Variants in NAA35 observed in about 807,000 individuals in gnomAD.
NAA35 encodes MAK10 homolog, amino-acid N-acetyltransferase subunit.
NAA35 carries 18 observed loss-of-function variants against 101.7 expected under a neutral mutation model. That is an observed-to-expected ratio of 0.18 (90% CI 0.12 to 0.26). The LOEUF (loss-of-function observed/expected upper bound fraction) is 0.26. NAA35 is among the 10% of genes least tolerant of loss of function. The pLI is 1.00. For synonymous variants in NAA35, 267 were observed against 273.1 expected (o/e 0.98, Z 0.22); for missense variants, 601 against 886.8 (o/e 0.68, Z 4.09).
chr9:85,964,958 T>G (rs1463088350), intron 6 of NAA35, among the ~76,000 whole-genome samples: 1 of 152,236 alleles, frequency 6.6e-6, no homozygotes, highest in Admixed American at 6.5e-5. Context: ...CAAATATCCA[T>G]TGACGGTGCT....
chr9:85,996,977 G>T lies in NAA35; in HGVS notation c.1056+400G>T, dbSNP rs894571085. On this transcript the variant is annotated intron_variant, in intron 12 of 22. Coordinates refer to ENST00000361671, the MANE Select transcript of NAA35 (RefSeq NM_024635.4). ...TTTAATTTTTTTTGTGGAGATGGGG[G>T]CCTTGATCTGTCACCTACATTGGAG... Among the ~76,000 whole-genome samples, 10 of 151,630 alleles carry T rather than the reference G, an allele frequency of 6.6e-5. No homozygotes were observed. In the South Asian group the frequency reaches 2.1e-3, roughly 32 times the overall value.
chr9:85,967,543 C>T (rs1829807950), intron 6 of NAA35, among the ~76,000 whole-genome samples: 1 of 152,098 alleles, frequency 6.6e-6, no homozygotes, highest in Non-Finnish European at 1.5e-5. Flanking sequence ...CGCGGTGGCT[C>T]ACGCATGTAA....
At chr9:85,956,415 A>G (rs752065595) in intron 3 of NAA35, 22 bp downstream of exon 3, 4 of 1,354,142 alleles carry the variant, frequency 3.0e-6, no homozygotes, top group Non-Finnish European at 4.0e-6. Context: ...TCCTTTGAAA[A>G]TAGTGTAGTG....
At chr9:85,992,030 CG>C (rs1264936280) in intron 11 of NAA35, among the ~76,000 whole-genome samples, 1 of 151,920 alleles carries the variant, frequency 6.6e-6, no homozygotes, top group Non-Finnish European at 1.5e-5. Context: ...AAAAAACAGC[CG>C]GGTGTGGTGG....
chr9:85,966,502 A>G, intron 6 of NAA35: 1 of 516,818 alleles, frequency 1.9e-6, no homozygotes, highest in Non-Finnish European at 3.0e-6. Flanking sequence ...TTTAAAATTT[A>G]GCTTCACTAT....
intron 2 of NAA35, among the ~76,000 whole-genome samples, chr9:85,950,373 G>A (rs1191607563): frequency 6.6e-6 from 1 of 152,156 alleles, no homozygotes; most frequent in African/African-American, 2.4e-5. Context: ...AGCCTCCCAA[G>A]TAGTTGGGAT....
At chr9:85,980,191 T>C (rs1830376342) in intron 11 of NAA35, among the ~76,000 whole-genome samples, 1 of 152,172 alleles carries the variant, frequency 6.6e-6, no homozygotes, top group Non-Finnish European at 1.5e-5. Flanking sequence ...TCCCTGGGTG[T>C]ACTATCTCCT....
intron 2 of NAA35, among the ~76,000 whole-genome samples, chr9:85,949,893 T>G (rs1432378617): frequency 6.6e-6 from 1 of 152,182 alleles, no homozygotes; most frequent in Non-Finnish European, 1.5e-5. Context: ...CAAGACTGTT[T>G]TGCAGGATAT....
At chr9:85,944,702 T>G (rs1828682822) in intron 2 of NAA35, among the ~76,000 whole-genome samples, 1 of 152,230 alleles carries the variant, frequency 6.6e-6, no homozygotes, top group African/African-American at 2.4e-5. Context: ...CTGTTTTATC[T>G]TAGAAATTCA....
chr9:85,967,724 C>G (rs1044522775), intron 6 of NAA35, among the ~76,000 whole-genome samples: 2 of 151,938 alleles, frequency 1.3e-5, no homozygotes, highest in South Asian at 2.1e-4. Flanking sequence ...ATGGCGTGAA[C>G]CCGGGAGGCA....
In NAA35 at chr9:85,986,496, G is replaced by A. The variant is rs114320308; in HGVS notation, c.877+8115G>A. On this transcript the variant is annotated intron_variant, in intron 11 of 22. Transcript: ENST00000361671. Reference sequence around the variant, plus strand: ...AGGTCTCTGACATCTTCTAGAGATGGAGGTGGAAGTCAGAGATAATGTGTA... The same window carrying A: ...AGGTCTCTGACATCTTCTAGAGATGAAGGTGGAAGTCAGAGATAATGTGTA... The A allele has an allele frequency of 1.5e-3, 708 of 468,218 alleles. 2 individuals carry two copies. The highest frequency in any genetic ancestry group is 0.013 in the African/African-American group (645 of 50,166). The allele number at this position is 468,218 out of a possible 1,614,324, so 29.0% of individuals were successfully genotyped here.
chr9:85,983,478 C>T (rs981696437), intron 11 of NAA35, among the ~76,000 whole-genome samples: 4 of 151,858 alleles, frequency 2.6e-5, no homozygotes, highest in Admixed American at 1.3e-4. Flanking sequence ...TTGGTATGTG[C>T]TCTAGTTTCA....
At chr9:86,008,148 C>T (rs569004872) in intron 14 of NAA35, among the ~76,000 whole-genome samples, 75 of 152,246 alleles carry the variant, frequency 4.9e-4, no homozygotes, top group Non-Finnish European at 6.6e-4. Context: ...CTGCAACCTC[C>T]GCCTCCTAGG....
chr9:85,965,622 T>C (rs1201672166), intron 6 of NAA35, among the ~76,000 whole-genome samples: 2 of 151,674 alleles, frequency 1.3e-5, no homozygotes, highest in Non-Finnish European at 1.5e-5. Flanking sequence ...AGTGAGACCC[T>C]GTCTCAAAAA....
At chr9:85,975,092 A>T (rs376099636) in intron 7 of NAA35, 22 bp from the exon 8 acceptor site, 5 of 1,613,082 alleles carry the variant, frequency 3.1e-6, no homozygotes, top group African/African-American at 1.3e-5. Flanking sequence ...TTCCTTTTAA[A>T]ACTTATTGTT....
At position 86,018,346 on chromosome 9, in the gene NAA35, C is replaced by A. The variant is rs1832336085; in HGVS notation, c.1865C>A (p.Pro622Gln). The A allele has an allele frequency of 6.2e-7, 1 of 1,613,804 alleles. No individual in the cohort carries two copies. The highest frequency in any genetic ancestry group is 1.3e-5 in the African/African-American group (1 of 74,916). Residue 622 changes from proline (P) to glutamine (Q), a missense_variant, in exon 20 of 23, where the codon CCA (proline) becomes CAA (glutamine). Around this residue, in one of 8 missense-constraint regions of NAA35, gnomAD observed 90 missense variants for 108.7 expected, o/e 0.83. Coordinates refer to ENST00000361671, the MANE Select transcript of NAA35 (RefSeq NM_024635.4). ...GTTCGGTATGAACACAGGTTTGCTC[C>A]ATTCAACAGTGTGATGACCCCGCCG... Reference protein sequence around the residue: ...EQVRYEHRFAPFNSVMTPPPV... With the variant: ...EQVRYEHRFAQFNSVMTPPPV...
chr9:86,008,558 G>A (rs1831751531), intron 14 of NAA35, among the ~76,000 whole-genome samples: 1 of 152,188 alleles, frequency 6.6e-6, no homozygotes, highest in Admixed American at 6.5e-5. Flanking sequence ...ATCAGTGCAT[G>A]GAAATGTTGT....
At chr9:85,972,831 A>G (rs1380784486) in intron 6 of NAA35, among the ~76,000 whole-genome samples, 2 of 152,224 alleles carry the variant, frequency 1.3e-5, no homozygotes, top group African/African-American at 4.8e-5. Flanking sequence ...TCTGTTTAGC[A>G]CTATTCTAAG....
At chr9:85,963,367 T>G (rs1172110193) in intron 6 of NAA35, among the ~76,000 whole-genome samples, 1 of 148,566 alleles carries the variant, frequency 6.7e-6, no homozygotes, top group Non-Finnish European at 1.5e-5. Context: ...ATCTCCCGGG[T>G]TCAAGCTATT....
Sources: gnomAD v4.1 joint callset for allele counts (sites outside exome capture counted in the v4.1 genomes callset) on GRCh38, gnomAD v4.1.1 for gene constraint, gnomAD v4.1.1 regional missense constraint, MANE v1.5 for transcripts, NCBI Gene and HGNC (gene_info 2026-07-23, HGNC 2026-07-21) for gene names.